Variants in TIE1 observed in about 807,000 individuals in gnomAD.
TIE1 encodes the protein tyrosine-protein kinase receptor Tie-1.
In TIE1, 89 loss-of-function variants were observed where a neutral mutation model predicts 130.5. The ratio of observed to expected loss-of-function variants is 0.68; its 90% CI spans 0.57 to 0.81. TIE1 has a LOEUF of 0.81. Among genes scored for constraint, TIE1 ranks in the 40% least tolerant of loss-of-function variants. The pLI is 0.00. For missense variants in TIE1, 1,392 were observed against 1,559.8 expected (o/e 0.89, Z 1.81); for synonymous variants, 568 against 629.4 (o/e 0.90, Z 1.46).
chr1:43,313,731 TC>T lies in TIE1; in HGVS notation c.2219-44del, dbSNP rs1462703901. The T allele has an allele frequency of 2.4e-5, 37 of 1,559,930 alleles. No homozygotes were observed. The highest frequency in any genetic ancestry group is 3.1e-5 in the Non-Finnish European group (36 of 1,150,638). On this transcript the variant is annotated intron_variant, in intron 13 of 22. Transcript: ENST00000372476. This position sits in a 1 kb window ranked among gnomAD's most constrained non-coding sequence, Gnocchi z 6.2. ...TGTAACCCCATGGTGGCCTCTGGGT[TC>T]CCTGACCCAGGTGTCCCCACAATCT...
Position 43,322,864 on chromosome 1 carries a change from G to C in TIE1, c.*142G>C. ...TTAAGGGAGAAAAAAAGGGATCTGG[G>C]GATGGGGTGGGCTTAGGGGAACTGG... is the stretch of plus-strand genomic sequence containing the variant. On this transcript the variant is annotated 3_prime_UTR_variant, in exon 23 of 23. Coordinates refer to ENST00000372476, the MANE Select transcript of TIE1 (RefSeq NM_005424.5). This position sits in a 1 kb window ranked among gnomAD's most constrained non-coding sequence, Gnocchi z 4.0. 1 of 720,200 alleles carries C rather than the reference G, an allele frequency of 1.4e-6. No individual in the cohort carries two copies. The highest frequency in any genetic ancestry group is 2.3e-6 in the Non-Finnish European group (1 of 432,982). The allele number at this position is 720,200 out of a possible 1,614,324, so 44.6% of individuals were successfully genotyped here.
At chr1:43,302,892 A>G (rs1229747007) in intron 1 of TIE1, among the ~76,000 whole-genome samples, 1 of 152,060 alleles carries the variant, frequency 6.6e-6, no homozygotes, top group Admixed American at 6.6e-5. Flanking sequence ...CGTTCAGGAA[A>G]CAATGTGCAG....
At chr1:43,311,893 C>A (rs940131142) in intron 10 of TIE1, 64 bp downstream of exon 10, 1 of 1,579,930 alleles carries the variant, frequency 6.3e-7, no homozygotes, top group Non-Finnish European at 8.6e-7. Flanking sequence ...ATACAGTGAG[C>A]AGGAGAGGGA....
intron 9 of TIE1, among the ~76,000 whole-genome samples, chr1:43,310,435 A>G (rs751383347): frequency 5.3e-5 from 8 of 152,194 alleles, no homozygotes; most frequent in Non-Finnish European, 1.0e-4. Context: ...GGGTTGTTAC[A>G]AAGATTAAAT....
chr1:43,314,867 G>A (rs755267531), intron 14 of TIE1, among the ~76,000 whole-genome samples: 1 of 152,278 alleles, frequency 6.6e-6, no homozygotes, highest in Non-Finnish European at 1.5e-5. Context: ...CTAAAGAACT[G>A]TAGGGGCTTC....
At chr1:43,303,866 T>G (rs905098125) in intron 1 of TIE1, among the ~76,000 whole-genome samples, 1 of 152,126 alleles carries the variant, frequency 6.6e-6, no homozygotes, top group Non-Finnish European at 1.5e-5. Context: ...CATCTCTTCA[T>G]CTCCCTGAGC....
chr1:43,307,887 C>A lies in TIE1; in HGVS notation c.1005C>A (p.Cys335Ter). Reference protein sequence around the residue: ...GTCDRFSGCVCPSGWHGVHCE... With the variant: ...GTCDRFSGCV ...GTGACCGGTTCAGTGGTTGTGTCTG[C>A]CCCTCTGGGTGGCATGGAGTGCACT... is the stretch of plus-strand genomic sequence containing the variant. The change falls in exon 7 of 23, where the codon TGC (cysteine) becomes TGA (stop). Residue 335 changes from cysteine (C) to a stop codon, truncating the protein, a stop_gained. Coordinates refer to ENST00000372476, the MANE Select transcript of TIE1 (RefSeq NM_005424.5). LOFTEE classifies it high-confidence loss of function. This position sits in a 1 kb window ranked among gnomAD's most constrained non-coding sequence, Gnocchi z 5.4. 6.2e-7 allele frequency: 1 copy of A among 1,614,186 alleles called. No homozygotes were observed. The highest frequency in any genetic ancestry group is 8.5e-7 in the Non-Finnish European group (1 of 1,180,024).
rs1646848416 is a variant in TIE1 at position 43,315,299 on chromosome 1, C to T, written c.2409+1331C>T. On this transcript the variant is annotated intron_variant, in intron 14 of 22. Transcript: ENST00000372476. This position sits in a 1 kb window ranked among gnomAD's most constrained non-coding sequence, Gnocchi z 4.4. ...AAAAAATAAAAAAAGAAAGAAAACC[C>T]TCTTCTCTCTCAAGGGCTGATCCTT... is the stretch of plus-strand genomic sequence containing the variant. 6.6e-6 allele frequency: 1 copy of T among 152,238 alleles called. No individual in the cohort carries two copies. The highest frequency in any genetic ancestry group is 2.4e-5 in the African/African-American group (1 of 41,468). The allele number at this position is 152,238 out of a possible 1,614,324, so 9.4% of individuals were successfully genotyped here. A position where few individuals can be genotyped will look rare whatever the true frequency, so the allele number is the denominator to read the frequency against.
In TIE1 at chr1:43,306,831, G is replaced by A; in HGVS notation, c.485-9G>A. The A allele has an allele frequency of 1.9e-6, 3 of 1,602,046 alleles. No individual in the cohort carries two copies. The highest frequency in any genetic ancestry group is 2.6e-6 in the Non-Finnish European group (3 of 1,173,910). On this transcript the variant is annotated splice_polypyrimidine_tract_variant and intron_variant, in intron 3 of 22. Coordinates refer to ENST00000372476, the MANE Select transcript of TIE1 (RefSeq NM_005424.5). This position sits in a 1 kb window ranked among gnomAD's most constrained non-coding sequence, Gnocchi z 4.9. ...GTGCTGAGGCCCCTGACACATTCAT[G>A]TCCCCCAGGATCCTACTTCTACACC...
rs1646890168 is a variant in TIE1, at chr1:43,319,272, T to C, written c.2960T>C (p.Val987Ala). The change falls in exon 18 of 23, where the codon GTC becomes GCC. Residue 987 changes from valine to alanine, a missense_variant. Val to Ala is a moderately conservative substitution (Grantham distance 64). This residue lies in a region of TIE1 where 286 missense variants were observed against 354.4 expected (regional missense o/e 0.81). Transcript: ENST00000372476. The surrounding 1 kb of genome is among the most constrained non-coding windows in gnomAD (Gnocchi z 4.7). ...GACCTGGCTGCCCGGAATGTGCTGG[T>C]CGGAGAGAACCTAGCCTCCAAGATT... ...HRDLAARNVLVGENLASKIAD... is the reference protein window; with the variant it reads ...HRDLAARNVLAGENLASKIAD... 6.2e-7 allele frequency: 1 copy of C among 1,613,892 alleles called. No homozygotes were observed. Among genetic ancestry groups the C allele is most frequent in the African/African-American group, 1.3e-5 (1 of 74,858 alleles).
At position 43,317,122 on chromosome 1, in the gene TIE1, G is replaced by T. The variant is rs760483432; in HGVS notation, c.2410-77G>T. ...ACTTGTCTGACACTGAAACCTCCTC[G>T]TGTGCCTGTCTGTGCCTCCTTCCGC... On this transcript the variant is annotated intron_variant, in intron 14 of 22. Transcript: ENST00000372476. The surrounding 1 kb of genome is among the most constrained non-coding windows in gnomAD (Gnocchi z 5.1). The T allele has an allele frequency of 6.8e-7, 1 of 1,478,332 alleles. No individual in the cohort carries two copies. The highest frequency in any genetic ancestry group is 1.7e-5 in the Admixed American group (1 of 59,732). 91.6% of individuals were successfully genotyped at this position (1,478,332 alleles called of 1,614,324 possible).
At position 43,307,242 on chromosome 1, in the gene TIE1, C is replaced by G. The variant is rs146557879; in HGVS notation, c.741C>G (p.Pro247=). The change falls in exon 5 of 23, where the codon CCC becomes CCG. Residue 247 remains proline (P), a synonymous_variant. Coordinates refer to ENST00000372476, the MANE Select transcript of TIE1 (RefSeq NM_005424.5). The surrounding 1 kb of genome is among the most constrained non-coding windows in gnomAD (Gnocchi z 5.4). ...ACCATGACGGCGAATGTGTATGCCC[C>G]CCTGGCTTCACTGGCACCCGCTGTG... The part of the protein sequence containing the change: ...CHDHDGECVC[P]PGFTGTRCEQ... The G allele has an allele frequency of 2.5e-6, 4 of 1,613,992 alleles. No homozygotes were observed. The African/African-American group carries it at 5.3e-5, about 22-fold the overall frequency.
rs61194263 is a variant in TIE1, at chr1:43,301,609, C to T, written c.58+480C>T. ...AAAATTTGCCGGGTGTGGTGGCTCA[C>T]GCCTGTAATCCCGGCACTTTGGGAG... On this transcript the variant is annotated intron_variant, in intron 1 of 22. Transcript: ENST00000372476. Among the ~76,000 whole-genome samples the T allele has an allele frequency of 4.7e-3, 719 of 151,780 alleles. 3 individuals are homozygous for T. The highest frequency in any genetic ancestry group is 0.016 in the African/African-American group (682 of 41,360).
rs2153910760 is a variant in TIE1, at chr1:43,307,371, A to G, written c.773-61A>G. The G allele has an allele frequency of 1.2e-6, 2 of 1,611,450 alleles. No homozygotes were observed. The highest frequency in any genetic ancestry group is 1.7e-6 in the Non-Finnish European group (2 of 1,178,316). On this transcript the variant is annotated intron_variant, in intron 5 of 22. Transcript: ENST00000372476. This position sits in a 1 kb window ranked among gnomAD's most constrained non-coding sequence, Gnocchi z 5.4. ...GTGGAGCTTGGAGGGTAAGGGCGAC[A>G]GGCAGGTCCTGGGCCCAGGGGCCCA...
Position 43,313,795 on chromosome 1 carries a change from C to T in TIE1, c.2236C>T (p.Pro746Ser), listed in dbSNP as rs531781275. Reference protein sequence around the residue: ...TLGNGLQAEGPVQESRAAEEG... With the variant: ...TLGNGLQAEGSVQESRAAEEG... ...GTGTCCAGGGCTGCAGGCTGAGGGC[C>T]CAGTCCAAGAGAGCCGGGCAGCTGA... The change falls in exon 14 of 23, where the codon CCA (proline) becomes TCA (serine). Residue 746 changes from proline (P) to serine (S), a missense_variant. Physicochemically the swap from Pro to Ser is moderately conservative, Grantham distance 74 (BLOSUM62 -1). Coordinates refer to ENST00000372476, the MANE Select transcript of TIE1 (RefSeq NM_005424.5). The surrounding 1 kb of genome is among the most constrained non-coding windows in gnomAD (Gnocchi z 6.2). 1.9e-6 allele frequency: 3 copies of T among 1,612,902 alleles called. No homozygotes were observed. The East Asian group carries it at 6.7e-5, about 36-fold the overall frequency.
chr1:43,317,616 G>A lies in TIE1; in HGVS notation c.2673G>A (p.Leu891=). ...ACTTTGCGGGAGAACTGGAAGTTCT[G>A]TGCAAATTGGGGCATCACCCCAACA... is the stretch of plus-strand genomic sequence containing the variant. ...HRDFAGELEV[L]CKLGHHPNII... The change falls in exon 16 of 23, where the codon CTG becomes CTA. Residue 891 remains leucine, a synonymous_variant. Transcript: ENST00000372476. The surrounding 1 kb of genome is among the most constrained non-coding windows in gnomAD (Gnocchi z 5.1). The A allele has an allele frequency of 6.2e-7, 1 of 1,608,476 alleles. No homozygotes were observed. The highest frequency in any genetic ancestry group is 8.5e-7 in the Non-Finnish European group (1 of 1,176,276).
Position 43,317,842 on chromosome 1 carries a change from C to G in TIE1, c.2732-40C>G. 1 of 1,607,898 alleles carries G rather than the reference C, an allele frequency of 6.2e-7. No homozygotes were observed. Among genetic ancestry groups the G allele is most frequent in the East Asian group, 2.2e-5 (1 of 44,824 alleles). On this transcript the variant is annotated intron_variant, in intron 16 of 22. Coordinates refer to ENST00000372476, the MANE Select transcript of TIE1 (RefSeq NM_005424.5). This position sits in a 1 kb window ranked among gnomAD's most constrained non-coding sequence, Gnocchi z 5.1. ...GGTGCCTGCTCCCACCCTAGGTTGCCTGTGTCTAAATCACCACTGTCTGTC... is the reference window on the plus strand; with the variant it reads ...GGTGCCTGCTCCCACCCTAGGTTGCGTGTGTCTAAATCACCACTGTCTGTC...
chr1:43,312,748 C>A lies in TIE1; in HGVS notation c.1927+147C>A. On this transcript the variant is annotated intron_variant, in intron 12 of 22. Transcript: ENST00000372476. The surrounding 1 kb of genome is among the most constrained non-coding windows in gnomAD (Gnocchi z 5.6). ...CACATAGGGTATTAGGCAGACGTGA[C>A]CCCAGCGGGGACATGGGACTTGGGG... The A allele has an allele frequency of 2.1e-6, 2 of 965,804 alleles. No homozygotes were observed. Among genetic ancestry groups the A allele is most frequent in the Non-Finnish European group, 1.5e-6 (1 of 675,390 alleles). The allele number at this position is 965,804 out of a possible 1,614,324, so 59.8% of individuals were successfully genotyped here. A position where few individuals can be genotyped will look rare whatever the true frequency, so the allele number is the denominator to read the frequency against.
rs748884851 is a variant in TIE1 at position 43,312,056 on chromosome 1, G to A, written c.1555G>A (p.Val519Met). ...GCCAAAGACAGGATACAGTGTTCGTGTGCAGCTGAGCCGGCCAGGGGAAGG... is the reference window on the plus strand; with the variant it reads ...GCCAAAGACAGGATACAGTGTTCGTATGCAGCTGAGCCGGCCAGGGGAAGG... Reference protein sequence around the residue: ...LRPKTGYSVRVQLSRPGEGGE... With the variant: ...LRPKTGYSVRMQLSRPGEGGE... The change falls in exon 11 of 23, where the codon GTG (valine) becomes ATG (methionine). Residue 519 changes from valine (V) to methionine (M), a missense_variant. Val to Met is a conservative substitution (Grantham distance 21). Coordinates refer to ENST00000372476, the MANE Select transcript of TIE1 (RefSeq NM_005424.5). The surrounding 1 kb of genome is among the most constrained non-coding windows in gnomAD (Gnocchi z 5.6). 3 of 1,607,858 alleles carry A rather than the reference G, an allele frequency of 1.9e-6. No homozygotes were observed. Among genetic ancestry groups the A allele is most frequent in the Admixed American group, 1.7e-5 (1 of 59,440 alleles).
Sources: gnomAD v4.1 joint callset for allele counts (sites outside exome capture counted in the v4.1 genomes callset) on GRCh38, gnomAD v4.1.1 for gene constraint, gnomAD v4.1.1 regional missense constraint, Gnocchi (gnomAD v3.1) non-coding constraint, MANE v1.5 for transcripts, NCBI Gene and HGNC (gene_info 2026-07-23, HGNC 2026-07-21) for gene names.